The following CNGB3 variants were observed in gnomAD, a reference collection of about 807,000 sequenced individuals.
The protein encoded by CNGB3 is cyclic nucleotide gated channel subunit beta 3, also known as cyclic nucleotide-gated channel beta-3.
Under a neutral mutation model 92.8 loss-of-function variants are expected in CNGB3, and 86 were observed. The observed-to-expected ratio is 0.93, with a 90% CI of 0.78 to 1.11. The LOEUF (loss-of-function observed/expected upper bound fraction) is 1.11, where lower values mean the gene tolerates loss of function less well. Among genes scored for constraint, CNGB3 ranks in the 50% least tolerant of loss-of-function variants. The pLI, the probability that CNGB3 is intolerant of heterozygous loss-of-function variation, is 0.00. For missense variants in CNGB3, 1,026 were observed against 956.8 expected (o/e 1.07, Z -0.95); for synonymous variants, 333 against 332.7 (o/e 1.00, Z -0.01).
intron 10 of CNGB3, among the ~76,000 whole-genome samples, chr8:86,638,539 T>A (rs912697617): frequency 6.6e-6 from 1 of 152,132 alleles, no homozygotes. Context: ...TAGTCCCTAG[T>A]TTCTGTAAAC....
chr8:86,594,366 T>A, intron 15 of CNGB3: 1 of 313,342 alleles, frequency 3.2e-6, no homozygotes, highest in South Asian at 2.9e-5. Flanking sequence ...ACGGCCTCCA[T>A]GACCTTCATT....
At chr8:86,698,900 A>G (rs1000994800) in intron 3 of CNGB3, among the ~76,000 whole-genome samples, 16 of 152,188 alleles carry the variant, frequency 1.1e-4, no homozygotes, top group Admixed American at 3.9e-4. Context: ...AAGGCAATGA[A>G]GATCATCTGT....
chr8:86,605,953 G>A (rs1237343182), intron 14 of CNGB3, among the ~76,000 whole-genome samples: 1 of 152,122 alleles, frequency 6.6e-6, no homozygotes. Flanking sequence ...GGTAGAGTAA[G>A]TACTATTATT....
chr8:86,608,353 C>T (rs893160447), intron 14 of CNGB3, among the ~76,000 whole-genome samples: 2 of 152,252 alleles, frequency 1.3e-5, no homozygotes, highest in African/African-American at 4.8e-5. Context: ...CTTGGTCTAA[C>T]GGTGACGCCA....
chr8:86,660,925 G>T (rs1278510008), intron 6 of CNGB3: 8 of 285,656 alleles, frequency 2.8e-5, no homozygotes, highest in Non-Finnish European at 4.9e-5. Flanking sequence ...TCCTACCCCA[G>T]AAAAGGCCCT....
At chr8:86,739,589 CATTTCAGATACATATGT>C (rs1183007397) in intron 2 of CNGB3, 49 bp downstream of exon 2, 29 of 1,586,356 alleles carry the variant, frequency 1.8e-5, no homozygotes, top group Non-Finnish European at 2.2e-5. Context: ...TCAGACAGCA[CATTTCAGATACATATGT>C]ATTTCACTTT....
intron 3 of CNGB3, among the ~76,000 whole-genome samples, chr8:86,717,086 ACAAAC>A (rs1420518262): frequency 6.6e-6 from 1 of 152,210 alleles, no homozygotes; most frequent in African/African-American, 2.4e-5. Context: ...ATCAGACAAA[ACAAAC>A]TAAAGCAACA....
At chr8:86,713,447 A>G (rs1474157520) in intron 3 of CNGB3, among the ~76,000 whole-genome samples, 1 of 152,226 alleles carries the variant, frequency 6.6e-6, no homozygotes, top group African/African-American at 2.4e-5. Context: ...CATAGTATAT[A>G]GTCAACTTTT....
chr8:86,635,663 T>A (rs557775165), intron 10 of CNGB3, among the ~76,000 whole-genome samples: 10 of 151,396 alleles, frequency 6.6e-5, no homozygotes, highest in Non-Finnish European at 1.5e-4. Context: ...AGATGACCTC[T>A]TATGGATTTC....
At chr8:86,657,130 C>T (rs577515521) in intron 6 of CNGB3, among the ~76,000 whole-genome samples, 1 of 152,208 alleles carries the variant, frequency 6.6e-6, no homozygotes, top group South Asian at 2.1e-4. Flanking sequence ...GGGAGGCCAC[C>T]AGGCCTCCTG....
At chr8:86,736,347 A>T (rs920782001) in intron 2 of CNGB3, among the ~76,000 whole-genome samples, 9 of 152,208 alleles carry the variant, frequency 5.9e-5, no homozygotes, top group Non-Finnish European at 1.2e-4. Flanking sequence ...TTTAAATGAA[A>T]CTACTTTTTC....
intron 3 of CNGB3, among the ~76,000 whole-genome samples, chr8:86,722,785 A>G (rs1340864189): frequency 6.6e-6 from 1 of 152,130 alleles, no homozygotes; most frequent in Non-Finnish European, 1.5e-5. Context: ...TCAAACTGAA[A>G]CATTGTTTCC....
chr8:86,589,667 C>T lies in CNGB3; in HGVS notation c.1782-10415G>A, dbSNP rs531563119. Among the ~76,000 whole-genome samples the T allele has an allele frequency of 5.3e-5, 8 of 152,208 alleles. 1 individual carries two copies. The South Asian group carries it at 1.7e-3, about 32-fold the overall frequency. On this transcript the variant is annotated intron_variant, in intron 15 of 17. Coordinates refer to ENST00000320005, the MANE Select transcript of CNGB3 (RefSeq NM_019098.5). ...AGCGGTTTTGAGTGAGATTCTTAGT[C>T]CTGAGTTCTAGTTTCATTGAACTGT...
At chr8:86,690,610 G>T (rs574584482) in intron 3 of CNGB3, among the ~76,000 whole-genome samples, 15 of 152,250 alleles carry the variant, frequency 9.9e-5, no homozygotes, top group African/African-American at 3.6e-4. Flanking sequence ...TGCTTTTGGT[G>T]TCTTAGACAT....
intron 13 of CNGB3, among the ~76,000 whole-genome samples, chr8:86,614,889 C>A (rs942380047): frequency 9.2e-5 from 14 of 152,134 alleles, no homozygotes; most frequent in African/African-American, 3.4e-4. Context: ...CAAGACAGAA[C>A]CCAAGACCAA....
At chr8:86,619,753 C>T (rs1024834150) in intron 13 of CNGB3, among the ~76,000 whole-genome samples, 94 of 27,022 alleles carry the variant, frequency 3.5e-3, no homozygotes, top group Admixed American at 0.011. Context: ...TTTTTTTTTG[C>T]GACAGGGTCT....
At chr8:86,583,921 C>CAAAA (rs71574285) in intron 15 of CNGB3, among the ~76,000 whole-genome samples, 778 of 60,308 alleles carry the variant, frequency 0.013, 9 homozygotes, top group East Asian at 0.058. Context: ...GACCTTGTCT[C>CAAAA]AAAAAAAAAA....
chr8:86,627,666 T>C (rs1241816723), intron 12 of CNGB3, among the ~76,000 whole-genome samples: 2 of 152,354 alleles, frequency 1.3e-5, no homozygotes, highest in East Asian at 3.9e-4. Flanking sequence ...TTATTTTATA[T>C]CCCTCAGTAA....
chr8:86,585,519 G>A (rs569420499), intron 15 of CNGB3, among the ~76,000 whole-genome samples: 1 of 151,994 alleles, frequency 6.6e-6, no homozygotes, highest in Non-Finnish European at 1.5e-5. Flanking sequence ...TATCCAGAAA[G>A]AACTCACAAG....
Sources: allele counts gnomAD v4.1 joint callset (sites outside exome capture counted in the v4.1 genomes callset), GRCh38; gene constraint gnomAD v4.1.1; transcripts MANE v1.5; gene names NCBI Gene and HGNC (gene_info 2026-07-23, HGNC 2026-07-21).